ABTB2: variants seen among roughly 807,000 people sequenced by gnomAD.
ABTB2 encodes the protein ankyrin repeat and BTB domain containing 2, also known as ankyrin repeat and BTB/POZ domain-containing protein 2.
In ABTB2, 56 loss-of-function variants were observed where a neutral mutation model predicts 104.1. The observed-to-expected ratio is 0.54, with a 90% confidence interval of 0.43 to 0.67. The LOEUF (loss-of-function observed/expected upper bound fraction) is 0.67. ABTB2 is among the 30% of genes least tolerant of loss of function. The pLI, the probability that ABTB2 is intolerant of heterozygous loss-of-function variation, is 0.00. For synonymous variants in ABTB2, 606 were observed against 608.2 expected (o/e 1.00, Z 0.05); for missense variants, 1,279 against 1,407.7 (o/e 0.91, Z 1.46).
intron 2 of ABTB2, among the ~76,000 whole-genome samples, chr11:34,199,681 C>T (rs1243217209): frequency 6.6e-6 from 1 of 152,142 alleles, no homozygotes; most frequent in African/African-American, 2.4e-5. Flanking sequence ...CCACCCCTGG[C>T]GATTCCTTAC....
intron 1 of ABTB2, among the ~76,000 whole-genome samples, chr11:34,327,432 C>G (rs1157650243): frequency 6.6e-6 from 1 of 152,172 alleles, no homozygotes; most frequent in Admixed American, 6.5e-5. Context: ...CCCCTAGCCA[C>G]TTGAGGGCCC....
intron 3 of ABTB2, among the ~76,000 whole-genome samples, chr11:34,192,467 C>T (rs367976969): frequency 2.0e-5 from 3 of 152,160 alleles, no homozygotes; most frequent in South Asian, 2.1e-4. Context: ...TGGCTGGCTA[C>T]GAAGTCATGA....
intron 1 of ABTB2, among the ~76,000 whole-genome samples, chr11:34,344,937 T>C (rs1382086937): frequency 2.0e-5 from 3 of 152,160 alleles, no homozygotes; most frequent in Non-Finnish European, 4.4e-5. Flanking sequence ...GCTCAGACCA[T>C]AGCAACTTGG....
At chr11:34,166,145 A>G (rs2133010839) in intron 7 of ABTB2, among the ~76,000 whole-genome samples, 1 of 152,320 alleles carries the variant, frequency 6.6e-6, no homozygotes, top group African/African-American at 2.4e-5. Context: ...GCAACCTTCC[A>G]GCCCTCCCAG....
intron 1 of ABTB2, among the ~76,000 whole-genome samples, chr11:34,322,630 A>AT (rs1855019287): frequency 6.6e-6 from 1 of 152,238 alleles, no homozygotes; most frequent in East Asian, 1.9e-4. Flanking sequence ...AGAATAAATT[A>AT]TTAATCATGA....
intron 9 of ABTB2, 49 bp from the exon 10 acceptor site, chr11:34,162,854 G>A (rs371921647): frequency 1.1e-5 from 17 of 1,522,102 alleles, no homozygotes; most frequent in Middle Eastern, 1.7e-4. Context: ...CCCACAGGCA[G>A]TGCCCACCTG....
intron 1 of ABTB2, among the ~76,000 whole-genome samples, chr11:34,256,970 C>G (rs1854131171): frequency 6.6e-6 from 1 of 150,702 alleles, no homozygotes; most frequent in Admixed American, 6.6e-5. Context: ...CCAACCAGGG[C>G]TCATCTACAC....
At chr11:34,172,540 G>A (rs1852898146) in intron 4 of ABTB2, among the ~76,000 whole-genome samples, 1 of 151,646 alleles carries the variant, frequency 6.6e-6, no homozygotes, top group South Asian at 2.1e-4. Flanking sequence ...AAGCTCCTCA[G>A]CAAACAAGTC....
At position 34,204,123 on chromosome 11, in the gene ABTB2, A is replaced by T. The variant is rs112387097; in HGVS notation, c.1030+421T>A. 3.1e-3 allele frequency among the ~76,000 whole-genome samples: 478 copies of T among 152,130 alleles called. 3 individuals carry two copies. The highest frequency in any genetic ancestry group is 5.3e-3 in the Non-Finnish European group (362 of 67,990). On this transcript the variant is annotated intron_variant, in intron 2 of 16. Coordinates refer to ENST00000435224, the MANE Select transcript of ABTB2 (RefSeq NM_145804.3). Reference sequence around the variant, plus strand: ...TCTATTGTTATCTTCCTTTTACTATATTGAGGCTTTGGGTGTGCTTTCTTT... The same window carrying T: ...TCTATTGTTATCTTCCTTTTACTATTTTGAGGCTTTGGGTGTGCTTTCTTT...
At chr11:34,182,805 G>A (rs908313967) in intron 3 of ABTB2, among the ~76,000 whole-genome samples, 1 of 152,124 alleles carries the variant, frequency 6.6e-6, no homozygotes, top group African/African-American at 2.4e-5. Flanking sequence ...ACAGTGCCCT[G>A]GACATCTAGT....
intron 1 of ABTB2, among the ~76,000 whole-genome samples, chr11:34,303,119 TGCC>T (rs1258900810): frequency 1.3e-5 from 2 of 152,182 alleles, no homozygotes; most frequent in African/African-American, 4.8e-5. Flanking sequence ...ATCTCCCACT[TGCC>T]ACGGTGCTGT....
chr11:34,224,900 A>C (rs1853668448), intron 1 of ABTB2, among the ~76,000 whole-genome samples: 1 of 152,112 alleles, frequency 6.6e-6, no homozygotes, highest in Non-Finnish European at 1.5e-5. Context: ...AAGGGCAAAA[A>C]CTATATTTTT....
chr11:34,213,067 C>T (rs1853502957), intron 1 of ABTB2, among the ~76,000 whole-genome samples: 1 of 152,202 alleles, frequency 6.6e-6, no homozygotes, highest in South Asian at 2.1e-4. Flanking sequence ...GCTGGGGGTG[C>T]ACCTGCTTGT....
chr11:34,201,966 G>GAC (rs148981126), intron 2 of ABTB2, among the ~76,000 whole-genome samples: 7 of 151,966 alleles, frequency 4.6e-5, no homozygotes, highest in East Asian at 1.9e-4. Flanking sequence ...CATGTGTGCA[G>GAC]ACACACACAC....
intron 1 of ABTB2, among the ~76,000 whole-genome samples, chr11:34,214,254 G>A (rs1487467701): frequency 6.6e-6 from 1 of 151,726 alleles, no homozygotes; most frequent in African/African-American, 2.4e-5. Flanking sequence ...CTTCTCAACA[G>A]CCACTAAAAG....
At chr11:34,265,966 T>C (rs1854244348) in intron 1 of ABTB2, among the ~76,000 whole-genome samples, 1 of 152,096 alleles carries the variant, frequency 6.6e-6, no homozygotes, top group East Asian at 1.9e-4. Context: ...CAAAACTCCA[T>C]CTCAAAAAAC....
intron 1 of ABTB2, among the ~76,000 whole-genome samples, chr11:34,251,198 C>T (rs556023999): frequency 6.6e-6 from 1 of 152,308 alleles, no homozygotes; most frequent in East Asian, 1.9e-4. Context: ...TCTGTGACAA[C>T]CAACACCAAA....
intron 1 of ABTB2, among the ~76,000 whole-genome samples, chr11:34,248,403 G>C (rs1269074925): frequency 3.7e-4 from 56 of 151,918 alleles, no homozygotes; most frequent in Non-Finnish European, 1.0e-4. Flanking sequence ...TTTTTTAAAG[G>C]GTTAACTACC....
rs755211203 is a variant in ABTB2, at chr11:34,356,772, A to C, written c.812T>G (p.Ile271Ser). Reference protein sequence around the residue: ...EVSAEALEMVINNDAELWGVL... With the variant: ...EVSAEALEMVSNNDAELWGVL... ...GCCCCAGAGCTCGGCGTCGTTGTTG[A>C]TGACCATCTCCAGGGCCTCAGCAGA... The change falls in exon 1 of 17, where the codon ATC (isoleucine) becomes AGC (serine). Residue 271 changes from isoleucine (I) to serine (S), a missense_variant. Coordinates refer to ENST00000435224, the MANE Select transcript of ABTB2 (RefSeq NM_145804.3). The surrounding 1 kb of genome is among the most constrained non-coding windows in gnomAD (Gnocchi z 4.6). 1 of 1,611,414 alleles carries C rather than the reference A, an allele frequency of 6.2e-7. No homozygotes were observed. Among genetic ancestry groups the C allele is most frequent in the African/African-American group, 1.3e-5 (1 of 74,882 alleles).
Sources: allele counts gnomAD v4.1 joint callset (sites outside exome capture counted in the v4.1 genomes callset), GRCh38; gene constraint gnomAD v4.1.1; non-coding constraint Gnocchi (gnomAD v3.1); transcripts MANE v1.5; gene names NCBI Gene and HGNC (gene_info 2026-07-23, HGNC 2026-07-21).